Variants in SAMD13 observed in about 807,000 individuals in gnomAD.
SAMD13 encodes the protein sterile alpha motif domain-containing protein 13.
SAMD13 carries 9 observed loss-of-function variants against 12.4 expected under a neutral mutation model. That is an observed-to-expected ratio of 0.72 (90% CI 0.44 to 1.26). The LOEUF (loss-of-function observed/expected upper bound fraction) is 1.26. Among genes scored for constraint, SAMD13 ranks in the 50% most tolerant of loss-of-function variants. The probability of loss-of-function intolerance (pLI) is 0.00; values close to 1 mark genes in which losing one functional copy is unlikely to be tolerated. For missense variants in SAMD13, 84 were observed against 119.6 expected, an observed-to-expected ratio of 0.70 and a Z score of 1.39; for synonymous variants, 46 against 45.4, an observed-to-expected ratio of 1.01 and a Z score of -0.05.
At position 84,301,783 on chromosome 1, in the gene SAMD13, AT is replaced by A. The variant is rs1455575320; in HGVS notation, c.-45del. ...TCTTGATAAGCCTATAAAAAATGATATTTTTTAGTTGCTTATAGGTAGGTTT... is the reference window on the plus strand; with the variant it reads ...TCTTGATAAGCCTATAAAAAATGATATTTTTAGTTGCTTATAGGTAGGTTT... On this transcript the variant is annotated 5_prime_UTR_variant, in exon 1 of 4. It removes the in-frame stop codon of an upstream open reading frame in the 5' UTR. Transcript: ENST00000394834. 5.1e-6 allele frequency: 5 copies of A among 985,142 alleles called. No individual in the cohort carries two copies. The highest frequency in any genetic ancestry group is 6.0e-6 in the Non-Finnish European group (5 of 829,692). 61.0% of individuals were successfully genotyped at this position (985,142 alleles called of 1,614,324 possible).
chr1:84,327,118 C>G (rs1391357399), intron 3 of SAMD13, among the ~76,000 whole-genome samples: 2 of 152,136 alleles, frequency 1.3e-5, no homozygotes, highest in African/African-American at 4.8e-5. Context: ...AAACACATGT[C>G]TGTAAAAAGA....
At chr1:84,331,224 G>A (rs1447605336) in intron 3 of SAMD13, among the ~76,000 whole-genome samples, 2 of 145,394 alleles carry the variant, frequency 1.4e-5, no homozygotes, top group East Asian at 2.0e-4. Context: ...CGGCCAAATC[G>A]AATTCACTTG....
At chr1:84,325,550 G>A in intron 2 of SAMD13, 87 bp from the exon 3 acceptor site, 2 of 761,532 alleles carry the variant, frequency 2.6e-6, no homozygotes, top group South Asian at 1.6e-5. Context: ...AAACATGAAA[G>A]GCCTGTCCCA....
intron 3 of SAMD13, among the ~76,000 whole-genome samples, chr1:84,338,766 T>A (rs1679357101): frequency 6.6e-6 from 1 of 151,866 alleles, no homozygotes; most frequent in Non-Finnish European, 1.5e-5. Flanking sequence ...AACCATTAGA[T>A]CTCCTGAGAC....
chr1:84,309,062 T>C (rs1167828613), intron 2 of SAMD13, among the ~76,000 whole-genome samples: 1 of 152,204 alleles, frequency 6.6e-6, no homozygotes, highest in African/African-American at 2.4e-5. Context: ...GAAACAGTTA[T>C]AAATTACAGA....
At chr1:84,327,014 T>C (rs1558452965) in intron 3 of SAMD13, among the ~76,000 whole-genome samples, 1 of 152,198 alleles carries the variant, frequency 6.6e-6, no homozygotes, top group Non-Finnish European at 1.5e-5. Flanking sequence ...CAACTGGAAC[T>C]CTTTTGTTGT....
chr1:84,333,756 A>G (rs1679238999), intron 3 of SAMD13, among the ~76,000 whole-genome samples: 1 of 151,966 alleles, frequency 6.6e-6, no homozygotes, highest in South Asian at 2.1e-4. Context: ...AGGATTTTTA[A>G]CATGAAGGGA....
chr1:84,307,241 CTG>C (rs769294414), intron 2 of SAMD13, among the ~76,000 whole-genome samples: 3 of 152,160 alleles, frequency 2.0e-5, no homozygotes, highest in Non-Finnish European at 4.4e-5. Flanking sequence ...GTCATTTTCT[CTG>C]TGTTTCGTTT....
chr1:84,319,630 A>G (rs966744623), intron 2 of SAMD13, among the ~76,000 whole-genome samples: 4 of 151,914 alleles, frequency 2.6e-5, no homozygotes, highest in Non-Finnish European at 5.9e-5. Context: ...AAAAGAAAAA[A>G]AAAAAAAAAA....
rs200639540 is a variant in SAMD13 at position 84,349,779 on chromosome 1, G to A, written c.*5G>A. 4.9e-4 allele frequency: 785 copies of A among 1,599,192 alleles called. 8 individuals are homozygous for A. In the South Asian group the frequency reaches 6.4e-3, roughly 13 times the overall value. ...TTAAAGAACAACTCTTCATAGTACAGTCAAATTGGGGTCTTCGACCTCAAA... is the reference window on the plus strand; with the variant it reads ...TTAAAGAACAACTCTTCATAGTACAATCAAATTGGGGTCTTCGACCTCAAA... On this transcript the variant is annotated 3_prime_UTR_variant, in exon 4 of 4. Coordinates refer to ENST00000394834, the MANE Select transcript of SAMD13 (RefSeq NM_001134663.2).
chr1:84,340,023 A>C (rs1679389934), intron 3 of SAMD13, among the ~76,000 whole-genome samples: 1 of 152,234 alleles, frequency 6.6e-6, no homozygotes, highest in South Asian at 2.1e-4. Flanking sequence ...GTTGTGGAAA[A>C]TAATTTGGTA....
chr1:84,315,569 G>A (rs1678815391), intron 2 of SAMD13, among the ~76,000 whole-genome samples: 1 of 152,050 alleles, frequency 6.6e-6, no homozygotes, highest in South Asian at 2.1e-4. Context: ...GGAATTATTG[G>A]CATGAGCCAC....
intron 2 of SAMD13, among the ~76,000 whole-genome samples, chr1:84,323,301 T>A (rs1012930345): frequency 1.2e-4 from 19 of 152,160 alleles, no homozygotes; most frequent in Non-Finnish European, 1.8e-4. Flanking sequence ...CATAGATAAT[T>A]TTTTTTAAAA....
At chr1:84,333,628 T>C (rs1043560414) in intron 3 of SAMD13, among the ~76,000 whole-genome samples, 8 of 152,142 alleles carry the variant, frequency 5.3e-5, no homozygotes, top group African/African-American at 1.9e-4. Context: ...GGTCAGAGAC[T>C]ATGGGGTTTT....
chr1:84,308,422 T>A (rs971886800), intron 2 of SAMD13, among the ~76,000 whole-genome samples: 49 of 152,280 alleles, frequency 3.2e-4, no homozygotes, highest in African/African-American at 1.1e-3. Flanking sequence ...TATGCCAGCA[T>A]TACCCCTCTC....
chr1:84,321,668 T>G (rs1678948759), intron 2 of SAMD13, among the ~76,000 whole-genome samples: 1 of 152,134 alleles, frequency 6.6e-6, no homozygotes, highest in African/African-American at 2.4e-5. Flanking sequence ...AAGCTAAGTG[T>G]CTCAATTTGG....
chr1:84,334,618 T>G (rs1234624772), intron 3 of SAMD13, among the ~76,000 whole-genome samples: 1 of 152,168 alleles, frequency 6.6e-6, no homozygotes, highest in Non-Finnish European at 1.5e-5. Flanking sequence ...TGGTTTGCTC[T>G]TGTTTTTCTA....
rs571355765 is a variant in SAMD13, at chr1:84,342,891, A to G, written c.166-6740A>G. Reference sequence around the variant, plus strand: ...TAAACAAAAGAGCTTCTGTACCGCAAAAGAAACTATCATCAGAGTGAACAG... The same window carrying G: ...TAAACAAAAGAGCTTCTGTACCGCAGAAGAAACTATCATCAGAGTGAACAG... On this transcript the variant is annotated intron_variant, in intron 3 of 3. Coordinates refer to ENST00000394834, the MANE Select transcript of SAMD13 (RefSeq NM_001134663.2). Among the ~76,000 whole-genome samples, 157 of 152,332 alleles carry G rather than the reference A, an allele frequency of 1.0e-3. 1 individual carries two copies. The highest frequency in any genetic ancestry group is 3.6e-3 in the African/African-American group (148 of 41,576).
chr1:84,299,677 T>TATATATATATA (rs768200933), upstream of SAMD13: 12 of 319,506 alleles, frequency 3.8e-5, no homozygotes, highest in African/African-American at 2.2e-4. Flanking sequence ...ATATATATAT[T>TATATATATATA]TATTTATTTA....
Sources: allele counts gnomAD v4.1 joint callset (sites outside exome capture counted in the v4.1 genomes callset), GRCh38; gene constraint gnomAD v4.1.1; transcripts MANE v1.5; gene names NCBI Gene and HGNC (gene_info 2026-07-23, HGNC 2026-07-21).